HES7: variants seen among roughly 807,000 people sequenced by gnomAD.
The protein encoded by HES7 is transcription factor HES-7.
In HES7, 8 loss-of-function variants were observed where a neutral mutation model predicts 18.0. The ratio of observed to expected loss-of-function variants is 0.45; its 90% CI spans 0.26 to 0.80. The LOEUF is 0.80. Among genes scored for constraint, HES7 ranks in the 30% least tolerant of loss-of-function variants. HES7 has a pLI of 0.18. For missense variants in HES7, 356 were observed against 340.9 expected (o/e 1.04, Z -0.35); for synonymous variants, 170 against 158.6 (o/e 1.07, Z -0.54).
Position 8,121,917 on chromosome 17 carries a change from C to A in HES7, c.347G>T (p.Ser116Ile). ...LRLAAFAHDA[S>I]PAARAQLFSA... Reference sequence around the variant, plus strand: ...GAAGAGCTGGGCGCGGGCGGCCGGGCTGGCGTCGTGCGCGAAGGCCGCCAA... The same window carrying A: ...GAAGAGCTGGGCGCGGGCGGCCGGGATGGCGTCGTGCGCGAAGGCCGCCAA... Residue 116 changes from serine to isoleucine, a missense_variant, in exon 4 of 4, where the codon AGC becomes ATC. Ser to Ile is a moderately radical substitution (Grantham distance 142). Coordinates refer to ENST00000541682, the MANE Select transcript of HES7 (RefSeq NM_001165967.2). 6.4e-7 allele frequency: 1 copy of A among 1,566,388 alleles called. No homozygotes were observed. The highest frequency in any genetic ancestry group is 1.1e-5 in the South Asian group (1 of 87,296).
chr17:8,121,750 C>A lies in HES7; in HGVS notation c.514G>T (p.Gly172Cys). 6.8e-7 allele frequency: 1 copy of A among 1,480,530 alleles called. No homozygotes were observed. Among genetic ancestry groups the A allele is most frequent in the Non-Finnish European group, 8.9e-7 (1 of 1,128,330 alleles). 91.7% of individuals were successfully genotyped at this position (1,480,530 alleles called of 1,614,324 possible). A position where few individuals can be genotyped will look rare whatever the true frequency, so the allele number is the denominator to read the frequency against. The change falls in exon 4 of 4, where the codon GGC becomes TGC. Residue 172 changes from glycine (G) to cysteine (C), a missense_variant. Gly to Cys is a radical substitution (Grantham distance 159). Coordinates refer to ENST00000541682, the MANE Select transcript of HES7 (RefSeq NM_001165967.2). Reference sequence around the variant, plus strand: ...CATGCGCAGCGCGGGCTAGGGTGGCCCTGGTGCACTGGGGGGCGCTGGTGC... The same window carrying A: ...CATGCGCAGCGCGGGCTAGGGTGGCACTGGTGCACTGGGGGGCGCTGGTGC... Reference protein sequence around the residue: ...ALHQRPPVHQGHPSPRCAWSP... With the variant: ...ALHQRPPVHQCHPSPRCAWSP...
At position 8,121,420 on chromosome 17, in the gene HES7, T is replaced by A. The variant is rs1236831665; in HGVS notation, c.*151A>T. ...GAAATATATATTTATATAGATACTC[T>A]AATATAGACCACATCTCACCCGCGC... On this transcript the variant is annotated 3_prime_UTR_variant, in exon 4 of 4. Coordinates refer to ENST00000541682, the MANE Select transcript of HES7 (RefSeq NM_001165967.2). 2 of 473,564 alleles carry A rather than the reference T, an allele frequency of 4.2e-6. No individual in the cohort carries two copies. The highest frequency in any genetic ancestry group is 4.0e-5 in the African/African-American group (2 of 49,588). 29.3% of individuals were successfully genotyped at this position (473,564 alleles called of 1,614,324 possible).
rs919852970 is a variant in HES7 at position 8,123,321 on chromosome 17, T to G, written c.43-195A>C. 15 of 605,882 alleles carry G rather than the reference T, an allele frequency of 2.5e-5. No homozygotes were observed. Among genetic ancestry groups the G allele is most frequent in the Non-Finnish European group, 8.9e-6 (3 of 337,814 alleles). The allele number at this position is 605,882 out of a possible 1,614,324, so 37.5% of individuals were successfully genotyped here. A position where few individuals can be genotyped will look rare whatever the true frequency, so the allele number is the denominator to read the frequency against. On this transcript the variant is annotated intron_variant, in intron 1 of 3. Coordinates refer to ENST00000541682, the MANE Select transcript of HES7 (RefSeq NM_001165967.2). The surrounding 1 kb of genome is among the most constrained non-coding windows in gnomAD (Gnocchi z 5.9). ...CCTAGATCAGTTTCTGTAGCTCGCC[T>G]CCCCGGATCTTCGCATTCTCCTCTC...
rs989947309 is a variant in HES7, at chr17:8,122,358, G to T, written c.211C>A (p.Arg71=). The stretch of plus-strand genomic sequence containing the variant: ...CGCGCTGTACCCGGGGGCTCCACCC[G>T]GCTTCGCTCCCTCAAGTAGCCCACG... ...FAVGYLRERS[R]VEPPAAAAPG... Residue 71 remains arginine (R), a synonymous_variant, in exon 3 of 4, where the codon CGG becomes AGG. Transcript: ENST00000541682. The surrounding 1 kb of genome is among the most constrained non-coding windows in gnomAD (Gnocchi z 6.9). 1.3e-6 allele frequency: 2 copies of T among 1,520,678 alleles called. No individual in the cohort carries two copies. Among genetic ancestry groups the T allele is most frequent in the Non-Finnish European group, 1.8e-6 (2 of 1,125,520 alleles). 94.2% of individuals were successfully genotyped at this position (1,520,678 alleles called of 1,614,324 possible).
Position 8,122,133 on chromosome 17 carries a change from C to A in HES7, c.227-96G>T. 1 of 1,167,640 alleles carries A rather than the reference C, an allele frequency of 8.6e-7. No homozygotes were observed. The highest frequency in any genetic ancestry group is 1.2e-6 in the Non-Finnish European group (1 of 850,654). 72.3% of individuals were successfully genotyped at this position (1,167,640 alleles called of 1,614,324 possible). A position where few individuals can be genotyped will look rare whatever the true frequency, so the allele number is the denominator to read the frequency against. Reference sequence around the variant, plus strand: ...CAGAGATACCAAGGCCGGACAGGCGCACAGAGACAGGAAGCCAGATGGACG... The same window carrying A: ...CAGAGATACCAAGGCCGGACAGGCGAACAGAGACAGGAAGCCAGATGGACG... On this transcript the variant is annotated intron_variant, in intron 3 of 3. Transcript: ENST00000541682. The surrounding 1 kb of genome is among the most constrained non-coding windows in gnomAD (Gnocchi z 6.9).
Position 8,121,838 on chromosome 17 carries a change from A to G in HES7, c.426T>C (p.Asp142=). ...RPKPPRPKPV[D]PRPPAPRPSL... ...ATGGGCGCGGCGCTGGAGGCCTCGG[A>G]TCTACCGGCTTGGGCCGGGGCGGTT... is the stretch of plus-strand genomic sequence containing the variant. The change falls in exon 4 of 4, where the codon GAT becomes GAC. Residue 142 remains aspartate, a synonymous_variant. Coordinates refer to ENST00000541682, the MANE Select transcript of HES7 (RefSeq NM_001165967.2). 2 of 1,571,510 alleles carry G rather than the reference A, an allele frequency of 1.3e-6. No individual in the cohort carries two copies. Among genetic ancestry groups the G allele is most frequent in the South Asian group, 1.1e-5 (1 of 88,798 alleles).
At position 8,122,513 on chromosome 17, in the gene HES7, G is replaced by C; in HGVS notation, c.139-83C>G. On this transcript the variant is annotated intron_variant, in intron 2 of 3. Transcript: ENST00000541682. This position sits in a 1 kb window ranked among gnomAD's most constrained non-coding sequence, Gnocchi z 6.9. Reference sequence around the variant, plus strand: ...TGGCAGGGGGAAGAAGGGAGGGACGGATGCGGGAGCTGGTGGTGCCCCCGA... The same window carrying C: ...TGGCAGGGGGAAGAAGGGAGGGACGCATGCGGGAGCTGGTGGTGCCCCCGA... 1 of 977,604 alleles carries C rather than the reference G, an allele frequency of 1.0e-6. No homozygotes were observed. The highest frequency in any genetic ancestry group is 1.6e-6 in the Non-Finnish European group (1 of 631,276). The allele number at this position is 977,604 out of a possible 1,614,324, so 60.6% of individuals were successfully genotyped here.
In HES7 at chr17:8,122,079, C is replaced by T; in HGVS notation, c.227-42G>A. 8 of 1,452,426 alleles carry T rather than the reference C, an allele frequency of 5.5e-6. No individual in the cohort carries two copies. The highest frequency in any genetic ancestry group is 7.2e-6 in the Non-Finnish European group (8 of 1,106,118). The allele number at this position is 1,452,426 out of a possible 1,614,324, so 90.0% of individuals were successfully genotyped here. A position where few individuals can be genotyped will look rare whatever the true frequency, so the allele number is the denominator to read the frequency against. On this transcript the variant is annotated intron_variant, in intron 3 of 3. Transcript: ENST00000541682. The surrounding 1 kb of genome is among the most constrained non-coding windows in gnomAD (Gnocchi z 6.9). ...GAGCACAGGTGGGCAGGGCAGGGGC[C>T]CGGCAGGGGTGAGGGAAGGGGCGGG...
At chr17:8,124,760 T>C (rs557446509), upstream of HES7, among the ~76,000 whole-genome samples, 7 of 152,194 alleles carry the variant, frequency 4.6e-5, no homozygotes, top group Non-Finnish European at 7.3e-5. Context: ...AAAGACCATG[T>C]GACACCAAGT....
Position 8,120,803 on chromosome 17 carries a change from C to T in HES7, c.*768G>A, listed in dbSNP as rs1442849. 0.32 allele frequency: 48,099 copies of T among 152,562 alleles called. 7,966 individuals carry two copies. Among genetic ancestry groups the T allele is most frequent in the East Asian group, 0.48 (2,458 of 5,158 alleles). 9.5% of individuals were successfully genotyped at this position (152,562 alleles called of 1,614,324 possible). On this transcript the variant is annotated 3_prime_UTR_variant, in exon 4 of 4. Coordinates refer to ENST00000541682, the MANE Select transcript of HES7 (RefSeq NM_001165967.2). ...GCCCGCTACCTCTACCTGGCTTGGCCTCTGAGATCCAAACCGCGCCCTCCT... is the reference window on the plus strand; with the variant it reads ...GCCCGCTACCTCTACCTGGCTTGGCTTCTGAGATCCAAACCGCGCCCTCCT...
upstream of HES7, among the ~76,000 whole-genome samples, chr17:8,124,434 G>A (rs1455299065): frequency 1.3e-5 from 2 of 152,190 alleles, no homozygotes; most frequent in African/African-American, 2.4e-5. Flanking sequence ...CTTTCTGGGA[G>A]GCTTACTGTA....
chr17:8,123,008 C>G lies in HES7; in HGVS notation c.138+23G>C. 1 of 1,565,646 alleles carries G rather than the reference C, an allele frequency of 6.4e-7. No homozygotes were observed. The highest frequency in any genetic ancestry group is 8.7e-7 in the Non-Finnish European group (1 of 1,149,876). The stretch of plus-strand genomic sequence containing the variant: ...ACGCGGAAACGGGAAGCTTGGGGAC[C>G]TAGGGCTAGCGGAGGGACTGACCTG... On this transcript the variant is annotated intron_variant, in intron 2 of 3. Transcript: ENST00000541682. This position sits in a 1 kb window ranked among gnomAD's most constrained non-coding sequence, Gnocchi z 5.9.
chr17:8,123,470 G>T lies in HES7; in HGVS notation c.43-344C>A. On this transcript the variant is annotated intron_variant, in intron 1 of 3. Coordinates refer to ENST00000541682, the MANE Select transcript of HES7 (RefSeq NM_001165967.2). This position sits in a 1 kb window ranked among gnomAD's most constrained non-coding sequence, Gnocchi z 5.9. ...TTGGGGACTCTCTGCGCGCACGCAC[G>T]TGCGCCGCACGGTGCCGGGCTCAGA... 2.4e-6 allele frequency: 1 copy of T among 412,798 alleles called. No individual in the cohort carries two copies. Among genetic ancestry groups the T allele is most frequent in the Non-Finnish European group, 4.5e-6 (1 of 222,618 alleles). The allele number at this position is 412,798 out of a possible 1,614,324, so 25.6% of individuals were successfully genotyped here.
chr17:8,125,630 C>A (rs1014274765), upstream of HES7, among the ~76,000 whole-genome samples: 13 of 152,124 alleles, frequency 8.5e-5, no homozygotes, highest in Non-Finnish European at 1.6e-4. Flanking sequence ...GATGACTTGG[C>A]GCTCCACCCA....
upstream of HES7, among the ~76,000 whole-genome samples, chr17:8,126,447 G>A (rs1179831029): frequency 6.6e-6 from 1 of 152,088 alleles, no homozygotes; most frequent in Non-Finnish European, 1.5e-5. Context: ...GTCTCTCCGA[G>A]TCTCTGTCGC....
Position 8,121,774 on chromosome 17 carries a change from G to T in HES7, c.490C>A (p.His164Asn). Residue 164 changes from histidine (H) to asparagine (N), a missense_variant, in exon 4 of 4, where the codon CAC (histidine) becomes AAC (asparagine). By Grantham distance (68) the His-to-Asn change is moderately conservative (BLOSUM62 1). Transcript: ENST00000541682. ...PAAPALGPAL[H>N]QRPPVHQGHP... ...CCCTGGTGCACTGGGGGGCGCTGGT[G>T]CAGCGCAGGGCCAAGGGCCGGTGCG... 6.5e-7 allele frequency: 1 copy of T among 1,529,362 alleles called. No individual in the cohort carries two copies. Among genetic ancestry groups the T allele is most frequent in the Non-Finnish European group, 8.7e-7 (1 of 1,151,010 alleles). 94.7% of individuals were successfully genotyped at this position (1,529,362 alleles called of 1,614,324 possible). A position where few individuals can be genotyped will look rare whatever the true frequency, so the allele number is the denominator to read the frequency against.
rs1377619740 is a variant in HES7 at position 8,120,799 on chromosome 17, T to C, written c.*772A>G. ...TTGCGCCCGCTACCTCTACCTGGCT[T>C]GGCCTCTGAGATCCAAACCGCGCCC... On this transcript the variant is annotated 3_prime_UTR_variant, in exon 4 of 4. Coordinates refer to ENST00000541682, the MANE Select transcript of HES7 (RefSeq NM_001165967.2). The C allele has an allele frequency of 2.0e-5, 3 of 152,834 alleles. No individual in the cohort carries two copies. The highest frequency in any genetic ancestry group is 2.9e-5 in the Non-Finnish European group (2 of 68,170). 9.5% of individuals were successfully genotyped at this position (152,834 alleles called of 1,614,324 possible).
In HES7 at chr17:8,123,187, G is replaced by A; in HGVS notation, c.43-61C>T. ...GACCGAGACTCAGTGCGGCCGCCCCGGCGTCGGATCCCGCCGCTGGGAGAG... is the reference window on the plus strand; with the variant it reads ...GACCGAGACTCAGTGCGGCCGCCCCAGCGTCGGATCCCGCCGCTGGGAGAG... On this transcript the variant is annotated intron_variant, in intron 1 of 3. Transcript: ENST00000541682. The surrounding 1 kb of genome is among the most constrained non-coding windows in gnomAD (Gnocchi z 5.9). 1 of 1,362,922 alleles carries A rather than the reference G, an allele frequency of 7.3e-7. No individual in the cohort carries two copies. Among genetic ancestry groups the A allele is most frequent in the Non-Finnish European group, 1.0e-6 (1 of 981,922 alleles). The allele number at this position is 1,362,922 out of a possible 1,614,324, so 84.4% of individuals were successfully genotyped here.
rs890859676 is a variant in HES7, at chr17:8,122,202, G to C, written c.226+141C>G. On this transcript the variant is annotated intron_variant, in intron 3 of 3. Coordinates refer to ENST00000541682, the MANE Select transcript of HES7 (RefSeq NM_001165967.2). This position sits in a 1 kb window ranked among gnomAD's most constrained non-coding sequence, Gnocchi z 6.9. The stretch of plus-strand genomic sequence containing the variant: ...GGGAGACACAGAGACAGACACGCGC[G>C]GGTGTTATTAACCTCGCCTCGGAGC... The C allele has an allele frequency of 1.1e-6, 1 of 902,120 alleles. No homozygotes were observed. The allele number at this position is 902,120 out of a possible 1,614,324, so 55.9% of individuals were successfully genotyped here.
Sources: allele counts gnomAD v4.1 joint callset (sites outside exome capture counted in the v4.1 genomes callset), GRCh38; gene constraint gnomAD v4.1.1; non-coding constraint Gnocchi (gnomAD v3.1); transcripts MANE v1.5; gene names NCBI Gene and HGNC (gene_info 2026-07-23, HGNC 2026-07-21).